Variants in EXT1 observed in about 807,000 individuals in gnomAD.
EXT1 encodes the protein exostosin-1.
In EXT1, 20 loss-of-function variants were observed where a neutral mutation model predicts 82.5. The observed-to-expected ratio is 0.24, with a 90% CI of 0.17 to 0.35. The LOEUF (loss-of-function observed/expected upper bound fraction) is 0.35. EXT1 is among the 10% of genes least tolerant of loss of function. The pLI, the probability that EXT1 is intolerant of heterozygous loss-of-function variation, is 1.00. For synonymous variants in EXT1, 348 were observed against 350.8 expected (o/e 0.99, Z 0.09); for missense variants, 757 against 936.5 (o/e 0.81, Z 2.50).
At chr8:117,933,032 G>A (rs1430550944) in intron 1 of EXT1, among the ~76,000 whole-genome samples, 2 of 151,724 alleles carry the variant, frequency 1.3e-5, no homozygotes, top group African/African-American at 4.8e-5. Context: ...CCTGTCTCAG[G>A]GCCTTGATAC....
chr8:117,919,621 C>T (rs1813819101), intron 1 of EXT1, among the ~76,000 whole-genome samples: 1 of 151,832 alleles, frequency 6.6e-6, no homozygotes, highest in Non-Finnish European at 1.5e-5. Flanking sequence ...CATCCCGCCT[C>T]ACCCTCCCAA....
intron 1 of EXT1, among the ~76,000 whole-genome samples, chr8:118,039,788 G>A (rs562118221): frequency 6.6e-6 from 1 of 152,264 alleles, no homozygotes; most frequent in African/African-American, 2.4e-5. Flanking sequence ...GAACTGGTGG[G>A]ATGAACTACT....
intron 1 of EXT1, among the ~76,000 whole-genome samples, chr8:118,093,453 T>G (rs530038118): frequency 4.0e-4 from 61 of 152,036 alleles, no homozygotes; most frequent in Non-Finnish European, 7.9e-4. Context: ...TTTGCCAGAG[T>G]CTCTTTTTGA....
At chr8:117,924,936 C>T (rs1813925464) in intron 1 of EXT1, among the ~76,000 whole-genome samples, 2 of 152,150 alleles carry the variant, frequency 1.3e-5, no homozygotes, top group African/African-American at 4.8e-5. Context: ...ACCCTGCAAC[C>T]TATTTCTCTA....
At position 117,839,552 on chromosome 8, in the gene EXT1, C is replaced by A. The variant is rs17503516; in HGVS notation, c.963-2351G>T. ...CTCATACAGAACATGTACACTCATA[C>A]CTTAGAACAATGATTTTCATTCAGA... On this transcript the variant is annotated intron_variant, in intron 1 of 10. Coordinates refer to ENST00000378204, the MANE Select transcript of EXT1 (RefSeq NM_000127.3). Among the ~76,000 whole-genome samples the A allele has an allele frequency of 4.1e-3, 624 of 152,226 alleles. 7 individuals carry two copies. The highest frequency in any genetic ancestry group is 0.014 in the African/African-American group (585 of 41,516).
intron 1 of EXT1, among the ~76,000 whole-genome samples, chr8:118,108,354 T>G (rs1355587717): frequency 6.6e-6 from 1 of 152,196 alleles, no homozygotes; most frequent in Admixed American, 6.5e-5. Flanking sequence ...TAGAAGACAC[T>G]GAAAGGTTAG....
intron 1 of EXT1, among the ~76,000 whole-genome samples, chr8:118,064,974 T>C (rs1019604568): frequency 6.6e-6 from 1 of 150,602 alleles, no homozygotes; most frequent in African/African-American, 2.4e-5. Context: ...TGCCTCAGCC[T>C]CCTGAGTAGC....
chr8:117,871,555 T>C (rs916832189), intron 1 of EXT1, among the ~76,000 whole-genome samples: 15 of 152,196 alleles, frequency 9.9e-5, no homozygotes, highest in African/African-American at 3.6e-4. Flanking sequence ...CTGAACCATA[T>C]ACAGTACACA....
chr8:117,873,447 C>CTTTTTTTTTTTTT (rs1184985472), intron 1 of EXT1, among the ~76,000 whole-genome samples: 1 of 99,706 alleles, frequency 1.0e-5, no homozygotes, highest in African/African-American at 4.1e-5. Flanking sequence ...TGTCCTGTGA[C>CTTTTTTTTTTTTT]TTTTTTTTTT....
chr8:117,947,531 A>G (rs1015008247), intron 1 of EXT1, among the ~76,000 whole-genome samples: 1 of 152,188 alleles, frequency 6.6e-6, no homozygotes, highest in African/African-American at 2.4e-5. Context: ...TGACACTTTC[A>G]CCACAATCTC....
chr8:117,834,564 C>T (rs1007470819), intron 3 of EXT1, among the ~76,000 whole-genome samples: 3 of 152,044 alleles, frequency 2.0e-5, no homozygotes, highest in African/African-American at 4.8e-5. Flanking sequence ...GAGATCACAC[C>T]ACTGCACTCC....
At chr8:117,946,119 G>A (rs557028174) in intron 1 of EXT1, among the ~76,000 whole-genome samples, 2 of 152,104 alleles carry the variant, frequency 1.3e-5, no homozygotes, top group South Asian at 2.1e-4. Context: ...GGCTGGTCTC[G>A]AACTTCTGAC....
chr8:118,066,871 T>A (rs780949203), intron 1 of EXT1, among the ~76,000 whole-genome samples: 1 of 152,158 alleles, frequency 6.6e-6, no homozygotes, highest in African/African-American at 2.4e-5. Flanking sequence ...ACTGTACTTG[T>A]AGATAAAGCT....
intron 1 of EXT1, among the ~76,000 whole-genome samples, chr8:118,094,116 C>T (rs894587340): frequency 2.0e-5 from 3 of 152,228 alleles, no homozygotes; most frequent in Non-Finnish European, 2.9e-5. Flanking sequence ...ACCCCCAGCA[C>T]ATTTGCTACC....
chr8:117,914,047 G>A (rs753423582), intron 1 of EXT1, among the ~76,000 whole-genome samples: 13 of 152,188 alleles, frequency 8.5e-5, no homozygotes, highest in Admixed American at 3.9e-4. Context: ...AACTTCTAAG[G>A]GTAGGGTGGC....
chr8:118,031,120 G>A lies in EXT1; in HGVS notation c.962+78965C>T, dbSNP rs542168123. On this transcript the variant is annotated intron_variant, in intron 1 of 10. Coordinates refer to ENST00000378204, the MANE Select transcript of EXT1 (RefSeq NM_000127.3). Reference sequence around the variant, plus strand: ...GTCCAGTCTAAACAAAGTACAGATGGGGTGTGGGGGGAACAGCTGCTCCTC... The same window carrying A: ...GTCCAGTCTAAACAAAGTACAGATGAGGTGTGGGGGGAACAGCTGCTCCTC... 7.2e-5 allele frequency among the ~76,000 whole-genome samples: 11 copies of A among 152,286 alleles called. No homozygotes were observed. In the South Asian group the frequency reaches 2.3e-3, roughly 32 times the overall value.
chr8:117,812,237 G>A (rs1823337960), intron 8 of EXT1, among the ~76,000 whole-genome samples: 1 of 152,146 alleles, frequency 6.6e-6, no homozygotes, highest in Non-Finnish European at 1.5e-5. Flanking sequence ...CATTCGAGTT[G>A]TAAAAATTGG....
At chr8:118,053,300 G>A (rs1257449415) in intron 1 of EXT1, among the ~76,000 whole-genome samples, 6 of 152,030 alleles carry the variant, frequency 3.9e-5, no homozygotes, top group South Asian at 2.1e-4. Flanking sequence ...ATGACCCTTC[G>A]GCCAATGTCC....
chr8:117,961,907 C>A (rs1814707482), intron 1 of EXT1, among the ~76,000 whole-genome samples: 2 of 152,160 alleles, frequency 1.3e-5, no homozygotes, highest in Admixed American at 1.3e-4. Context: ...CTTGATCTGC[C>A]AGCTCTCTGC....
Sources: allele counts gnomAD v4.1 joint callset (sites outside exome capture counted in the v4.1 genomes callset), GRCh38; gene constraint gnomAD v4.1.1; transcripts MANE v1.5; gene names NCBI Gene and HGNC (gene_info 2026-07-23, HGNC 2026-07-21).